ANO5: variants seen among roughly 807,000 people sequenced by gnomAD.
The protein encoded by ANO5 is anoctamin-5.
In ANO5, 109 loss-of-function variants were observed where a neutral mutation model predicts 121.0. The observed-to-expected ratio is 0.90, with a 90% CI of 0.77 to 1.06. The LOEUF is 1.06. Ranked by LOEUF, ANO5 falls within the 50% of genes least tolerant of loss-of-function variation. ANO5 has a pLI of 0.00. For missense variants in ANO5, 1,064 were observed against 1,078.5 expected (o/e 0.99, Z 0.19); for synonymous variants, 406 against 359.9 (o/e 1.13, Z -1.45).
chr11:22,258,692 A>T (rs1473018693), intron 14 of ANO5, among the ~76,000 whole-genome samples: 2 of 152,250 alleles, frequency 1.3e-5, no homozygotes, highest in Admixed American at 1.3e-4. Flanking sequence ...TTAGGAAAAT[A>T]AGTGATCTTG....
Position 22,219,660 on chromosome 11 carries a change from G to A in ANO5, c.180+1373G>A, listed in dbSNP as rs1329659947. Among the ~76,000 whole-genome samples the A allele has an allele frequency of 2.0e-4, 31 of 151,906 alleles. 1 individual carries two copies. Among genetic ancestry groups the A allele is most frequent in the African/African-American group, 4.8e-5 (2 of 41,418 alleles). The stretch of plus-strand genomic sequence containing the variant: ...TTGGTGAATTTCATAAGATGCTAAC[G>A]CTGTGATGATTTATAAGAGTGCCAA... On this transcript the variant is annotated intron_variant, in intron 4 of 21. Transcript: ENST00000324559.
intron 1 of ANO5, among the ~76,000 whole-genome samples, chr11:22,195,850 A>G (rs1277395832): frequency 1.3e-5 from 2 of 152,178 alleles, no homozygotes; most frequent in Non-Finnish European, 2.9e-5. Context: ...AATACCGTAT[A>G]TTTGATGGCT....
intron 20 of ANO5, 46 bp from the exon 21 acceptor site, chr11:22,276,048 A>G (rs774972262): frequency 1.8e-5 from 22 of 1,254,920 alleles, no homozygotes; most frequent in African/African-American, 6.5e-5. Flanking sequence ...AGTTGAAGCT[A>G]TAACTATTAT....
chr11:22,225,331 C>A (rs941860858), intron 5 of ANO5, among the ~76,000 whole-genome samples: 4 of 151,852 alleles, frequency 2.6e-5, no homozygotes, highest in African/African-American at 9.7e-5. Flanking sequence ...TGTGGAGACA[C>A]CTTCTTGTAG....
Position 22,225,972 on chromosome 11 carries a change from T to G in ANO5, c.295-12T>G, listed in dbSNP as rs1294268622. On this transcript the variant is annotated splice_polypyrimidine_tract_variant and intron_variant, in intron 5 of 21. Coordinates refer to ENST00000324559, the MANE Select transcript of ANO5 (RefSeq NM_213599.3). Reference sequence around the variant, plus strand: ...CATTCTGCATAATTCTGTTGATTTTTTTTTGTCATAGGAAAGAAGAAAAGA... The same window carrying G: ...CATTCTGCATAATTCTGTTGATTTTGTTTTGTCATAGGAAAGAAGAAAAGA... 4 of 1,589,138 alleles carry G rather than the reference T, an allele frequency of 2.5e-6. No individual in the cohort carries two copies. The East Asian group carries it at 6.7e-5, about 27-fold the overall frequency.
In ANO5 at chr11:22,193,682, G is replaced by A. The variant is rs1216506119; in HGVS notation, c.40+150G>A. 6 of 1,072,074 alleles carry A rather than the reference G, an allele frequency of 5.6e-6. No homozygotes were observed. In the East Asian group the frequency reaches 1.3e-4, roughly 23 times the overall value. 66.4% of individuals were successfully genotyped at this position (1,072,074 alleles called of 1,614,324 possible). On this transcript the variant is annotated intron_variant, in intron 1 of 21. Coordinates refer to ENST00000324559, the MANE Select transcript of ANO5 (RefSeq NM_213599.3). The stretch of plus-strand genomic sequence containing the variant: ...CGTGGCGTGCTCAGCGCGAAACCGG[G>A]ACTGCGGGGCAGAGTCCCCCGCCTG...
intron 7 of ANO5, among the ~76,000 whole-genome samples, chr11:22,229,610 C>T (rs963205394): frequency 1.3e-5 from 2 of 151,824 alleles, no homozygotes; most frequent in Admixed American, 6.6e-5. Context: ...ATGTAATGCA[C>T]TTTGAAAACT....
chr11:22,259,375 A>G, intron 14 of ANO5, 144 bp from the exon 15 acceptor site: 1 of 827,596 alleles, frequency 1.2e-6, no homozygotes, highest in Non-Finnish European at 2.0e-6. Flanking sequence ...CATCTAGGGA[A>G]AGAGAGACTG....
At chr11:22,253,820 C>T (rs980461440) in intron 12 of ANO5, among the ~76,000 whole-genome samples, 1 of 152,020 alleles carries the variant, frequency 6.6e-6, no homozygotes, top group Non-Finnish European at 1.5e-5. Context: ...TACTTTTTGA[C>T]TGGAGGAGTT....
intron 9 of ANO5, among the ~76,000 whole-genome samples, chr11:22,246,640 G>A (rs571405662): frequency 4.0e-5 from 6 of 151,826 alleles, no homozygotes; most frequent in Admixed American, 3.3e-4. Context: ...AGTTTGAGAC[G>A]ATTCTGGTCA....
At chr11:22,264,470 A>C (rs1488478206) in intron 17 of ANO5, among the ~76,000 whole-genome samples, 4 of 145,918 alleles carry the variant, frequency 2.7e-5, no homozygotes, top group African/African-American at 1.1e-4. Flanking sequence ...AGAATAAAAA[A>C]ATTTTAAAAA....
chr11:22,268,879 A>T (rs1392254204), intron 17 of ANO5, among the ~76,000 whole-genome samples: 1 of 152,080 alleles, frequency 6.6e-6, no homozygotes, highest in East Asian at 1.9e-4. Flanking sequence ...TTAGCTAGGC[A>T]TGGAGGCACA....
At chr11:22,221,777 A>G (rs1852661567) in intron 5 of ANO5, among the ~76,000 whole-genome samples, 1 of 152,026 alleles carries the variant, frequency 6.6e-6, no homozygotes, top group Admixed American at 6.6e-5. Flanking sequence ...TACTCAATAA[A>G]TACTCAATAT....
At chr11:22,257,531 C>T in intron 13 of ANO5, 149 bp from the exon 14 acceptor site, 1 of 674,866 alleles carries the variant, frequency 1.5e-6, no homozygotes, top group Non-Finnish European at 2.7e-6. Context: ...AGAGAAGGAA[C>T]CATTCCTATA....
intron 4 of ANO5, among the ~76,000 whole-genome samples, chr11:22,219,403 C>T (rs1440663269): frequency 6.6e-6 from 1 of 151,922 alleles, no homozygotes; most frequent in African/African-American, 2.4e-5. Flanking sequence ...GTTCTGTTAC[C>T]AGAACTGTTC....
chr11:22,276,253 A>G (rs1854844644), intron 21 of ANO5, 54 bp downstream of exon 21: 1 of 1,377,008 alleles, frequency 7.3e-7, no homozygotes, highest in Non-Finnish European at 1.0e-6. Context: ...TTAGGCAGAT[A>G]TTTCTAAAGG....
chr11:22,259,834 C>A, intron 15 of ANO5, 93 bp downstream of exon 15: 1 of 1,269,562 alleles, frequency 7.9e-7, no homozygotes, highest in Non-Finnish European at 1.1e-6. Flanking sequence ...AGTTCATTTT[C>A]AAAGGACACA....
chr11:22,198,299 A>G (rs1851868768), intron 1 of ANO5, among the ~76,000 whole-genome samples: 3 of 152,166 alleles, frequency 2.0e-5, no homozygotes, highest in Non-Finnish European at 2.9e-5. Context: ...TCCAGGGGAC[A>G]GTTGAGGTTT....
chr11:22,276,735 C>T (rs936111291), intron 21 of ANO5, among the ~76,000 whole-genome samples: 1 of 150,436 alleles, frequency 6.6e-6, no homozygotes, highest in South Asian at 2.1e-4. Context: ...AGAGATAAGG[C>T]CTGCAAGAAA....
Sources: gnomAD v4.1 joint callset for allele counts (sites outside exome capture counted in the v4.1 genomes callset) on GRCh38, gnomAD v4.1.1 for gene constraint, MANE v1.5 for transcripts, NCBI Gene and HGNC (gene_info 2026-07-23, HGNC 2026-07-21) for gene names.